DOCK3: variants seen among roughly 807,000 people sequenced by gnomAD.
DOCK3 encodes the protein dedicator of cytokinesis 3.
DOCK3 carries 60 observed loss-of-function variants against 265.6 expected under a neutral mutation model. The ratio of observed to expected loss-of-function variants is 0.23; its 90% CI spans 0.18 to 0.28. The LOEUF is 0.28. Ranked by LOEUF, DOCK3 falls within the 10% of genes least tolerant of loss-of-function variation. The pLI is 1.00. For missense variants in DOCK3, 1,981 were observed against 2,594.3 expected, an observed-to-expected ratio of 0.76 and a Z score of 5.14; for synonymous variants, 881 against 938.0, an observed-to-expected ratio of 0.94 and a Z score of 1.11.
At chr3:51,302,279 G>A (rs979198266) in intron 27 of DOCK3, among the ~76,000 whole-genome samples, 3 of 151,946 alleles carry the variant, frequency 2.0e-5, no homozygotes, top group African/African-American at 4.8e-5. Flanking sequence ...CCATTTGCTC[G>A]GTAAATTTTT....
intron 10 of DOCK3, among the ~76,000 whole-genome samples, chr3:51,153,330 T>C (rs1373300547): frequency 6.6e-6 from 1 of 152,230 alleles, no homozygotes. Context: ...GGATGTAATC[T>C]CCTGGTGTGC....
At chr3:51,232,154 A>G (rs563911971) in intron 19 of DOCK3, among the ~76,000 whole-genome samples, 2 of 151,734 alleles carry the variant, frequency 1.3e-5, no homozygotes, top group East Asian at 3.9e-4. Context: ...TTTTATAGTT[A>G]TTGGGATACA....
chr3:51,234,830 G>A (rs916422451), intron 19 of DOCK3, among the ~76,000 whole-genome samples: 1 of 152,180 alleles, frequency 6.6e-6, no homozygotes, highest in African/African-American at 2.4e-5. Flanking sequence ...TGGGCAGAGT[G>A]TTTCCCCTTA....
At chr3:51,320,429 T>G (rs2083636770) in intron 32 of DOCK3, among the ~76,000 whole-genome samples, 1 of 145,338 alleles carries the variant, frequency 6.9e-6, no homozygotes, top group East Asian at 2.0e-4. Context: ...TTTGTTTTTG[T>G]TTTTTTTTTT....
Position 50,814,552 on chromosome 3 carries a change from C to T in DOCK3, c.122-27123C>T, listed in dbSNP as rs1210884565. Among the ~76,000 whole-genome samples, 3 of 152,042 alleles carry T rather than the reference C, an allele frequency of 2.0e-5. No homozygotes were observed. In the East Asian group the frequency reaches 5.8e-4, roughly 29 times the overall value. ...AAGTGTTGGGATTTACAGGCATGAG[C>T]CACCGCACCTGGCCTGGTACAATAT... is the stretch of plus-strand genomic sequence containing the variant. On this transcript the variant is annotated intron_variant, in intron 2 of 52. Transcript: ENST00000266037.
intron 1 of DOCK3, among the ~76,000 whole-genome samples, chr3:50,707,608 G>A (rs2036498443): frequency 6.6e-6 from 1 of 152,180 alleles, no homozygotes; most frequent in Admixed American, 6.6e-5. Flanking sequence ...TCTTTGGTGG[G>A]GATGGGGATG....
intron 5 of DOCK3, among the ~76,000 whole-genome samples, chr3:50,952,103 C>A (rs908911489): frequency 1.3e-5 from 2 of 152,112 alleles, no homozygotes; most frequent in African/African-American, 4.8e-5. Context: ...TATTTGTGTG[C>A]AGAGAATTGG....
intron 7 of DOCK3, among the ~76,000 whole-genome samples, chr3:51,082,236 A>C (rs1240960275): frequency 1.3e-5 from 2 of 151,802 alleles, no homozygotes; most frequent in African/African-American, 2.4e-5. Context: ...ACCACAGCAC[A>C]GTGTCATTTT....
At chr3:50,749,320 T>C (rs1039604229) in intron 1 of DOCK3, among the ~76,000 whole-genome samples, 2 of 152,164 alleles carry the variant, frequency 1.3e-5, no homozygotes, top group African/African-American at 4.8e-5. Flanking sequence ...GCAAGTAAAT[T>C]TGTAGTGTAT....
chr3:50,846,458 A>C (rs747546931), intron 3 of DOCK3, among the ~76,000 whole-genome samples: 1 of 152,096 alleles, frequency 6.6e-6, no homozygotes, highest in Admixed American at 6.5e-5. Context: ...ATATCGGCCT[A>C]TAGTTTTCTC....
Position 51,381,713 on chromosome 3 carries a change from C to G in DOCK3, c.*154C>G. The G allele has an allele frequency of 9.2e-7, 1 of 1,088,918 alleles. No individual in the cohort carries two copies. The highest frequency in any genetic ancestry group is 1.3e-6 in the Non-Finnish European group (1 of 791,516). 67.5% of individuals were successfully genotyped at this position (1,088,918 alleles called of 1,614,324 possible). A position where few individuals can be genotyped will look rare whatever the true frequency, so the allele number is the denominator to read the frequency against. On this transcript the variant is annotated 3_prime_UTR_variant, in exon 53 of 53. Transcript: ENST00000266037. This position sits in a 1 kb window ranked among gnomAD's most constrained non-coding sequence, Gnocchi z 5.6. ...CAAGTCTCCGTTCTACTGCCGTGAA[C>G]TCATGTGTTGCCATGTACAGAGGCC...
chr3:51,169,255 T>A (rs2086556417), intron 12 of DOCK3, among the ~76,000 whole-genome samples: 1 of 152,164 alleles, frequency 6.6e-6, no homozygotes, highest in African/African-American at 2.4e-5. Flanking sequence ...CAAAGAAATA[T>A]GAATTTTTCT....
intron 5 of DOCK3, among the ~76,000 whole-genome samples, chr3:50,975,921 T>C (rs547463800): frequency 4.0e-5 from 6 of 150,638 alleles, no homozygotes; most frequent in African/African-American, 9.8e-5. Context: ...TTTTCTAGTT[T>C]ATTTGCGTAG....
chr3:50,675,408 C>A lies in DOCK3; in HGVS notation c.37+108C>A. ...TGCCCCCGCCACTGCCCGCAGGCTG[C>A]GCGGCCTCGGCGCGGGGCGAGCGCG... On this transcript the variant is annotated intron_variant, in intron 1 of 52. Coordinates refer to ENST00000266037, the MANE Select transcript of DOCK3 (RefSeq NM_004947.5). The surrounding 1 kb of genome is among the most constrained non-coding windows in gnomAD (Gnocchi z 6.1). 1 of 1,025,364 alleles carries A rather than the reference C, an allele frequency of 9.8e-7. No individual in the cohort carries two copies. The highest frequency in any genetic ancestry group is 1.2e-6 in the Non-Finnish European group (1 of 820,916). 63.5% of individuals were successfully genotyped at this position (1,025,364 alleles called of 1,614,324 possible). A position where few individuals can be genotyped will look rare whatever the true frequency, so the allele number is the denominator to read the frequency against.
At chr3:51,110,436 AC>A (rs1316367205) in intron 9 of DOCK3, among the ~76,000 whole-genome samples, 5 of 152,302 alleles carry the variant, frequency 3.3e-5, no homozygotes, top group Middle Eastern at 3.4e-3. Context: ...AAAATCCTCA[AC>A]AAAATACTAG....
In DOCK3 at chr3:50,944,679, C is replaced by T. The variant is rs893221451; in HGVS notation, c.315+10602C>T. The stretch of plus-strand genomic sequence containing the variant: ...AATCTTCATCAAAAAGCTTTGTAGG[C>T]GGGGCATGGTGGCTCAGGCCTGTAA... On this transcript the variant is annotated intron_variant, in intron 5 of 52. Transcript: ENST00000266037. 2.6e-5 allele frequency among the ~76,000 whole-genome samples: 4 copies of T among 152,188 alleles called. No individual in the cohort carries two copies. In the East Asian group the frequency reaches 5.8e-4, roughly 22 times the overall value.
chr3:50,827,126 G>A (rs1462169758), intron 2 of DOCK3, among the ~76,000 whole-genome samples: 2 of 152,200 alleles, frequency 1.3e-5, no homozygotes, highest in Non-Finnish European at 2.9e-5. Context: ...AGCATGCCAT[G>A]TAAAAAGGAC....
chr3:51,379,956 CTG>C (rs2088486332), intron 51 of DOCK3, among the ~76,000 whole-genome samples, 167 bp from the exon 52 acceptor site: 2 of 152,232 alleles, frequency 1.3e-5, no homozygotes, highest in South Asian at 4.1e-4. Flanking sequence ...CCCCAGCAGC[CTG>C]TGTTTTGGAG....
At chr3:51,258,826 C>T (rs1221336816) in intron 22 of DOCK3, among the ~76,000 whole-genome samples, 2 of 152,204 alleles carry the variant, frequency 1.3e-5, no homozygotes, top group African/African-American at 2.4e-5. Flanking sequence ...AGACCTGCTA[C>T]CTAGCCATTT....
Sources: allele counts gnomAD v4.1 joint callset (sites outside exome capture counted in the v4.1 genomes callset), GRCh38; gene constraint gnomAD v4.1.1; non-coding constraint Gnocchi (gnomAD v3.1); transcripts MANE v1.5; gene names NCBI Gene and HGNC (gene_info 2026-07-23, HGNC 2026-07-21).